Variants in PLSCR5 observed in about 807,000 individuals in gnomAD.
The protein encoded by PLSCR5 is phospholipid scramblase family, member 5.
PLSCR5 carries 44 observed loss-of-function variants against 33.6 expected under a neutral mutation model. The observed-to-expected ratio is 1.31, with a 90% CI of 1.03 to 1.69. PLSCR5 has a LOEUF of 1.69. Among genes scored for constraint, PLSCR5 ranks in the 40% most tolerant of loss-of-function variants. The pLI is 0.00. For missense variants in PLSCR5, 375 were observed against 318.7 expected (o/e 1.18, Z -1.34); for synonymous variants, 148 against 112.3 (o/e 1.32, Z -2.01).
chr3:146,590,997 G>GTTTTTT (rs371124404), intron 5 of PLSCR5, among the ~76,000 whole-genome samples: 1 of 141,886 alleles, frequency 7.0e-6, no homozygotes, highest in Non-Finnish European at 1.5e-5. Context: ...GTTTTTTTTT[G>GTTTTTT]TTTTTTTTTT....
At chr3:146,585,638 A>G (rs1437726091), downstream of PLSCR5, among the ~76,000 whole-genome samples, 1 of 144,546 alleles carries the variant, frequency 6.9e-6, no homozygotes, top group Non-Finnish European at 1.5e-5. Context: ...AACTAGCCTT[A>G]GTACCAGAAA....
At position 146,602,338 on chromosome 3, in the gene PLSCR5, T is replaced by C. The variant is rs181870586; in HGVS notation, c.14-1875A>G. On this transcript the variant is annotated intron_variant, in intron 1 of 7. Coordinates refer to ENST00000443512, the MANE Select transcript of PLSCR5 (RefSeq NM_001085420.2). ...AAAAATATTAAAAGGCAATAAACAT[T>C]ATTTCTTTAGCGTTAGTGCAAAATG... Among the ~76,000 whole-genome samples, 5 of 152,262 alleles carry C rather than the reference T, an allele frequency of 3.3e-5. No homozygotes were observed. The East Asian group carries it at 9.6e-4, about 29-fold the overall frequency.
At position 146,589,798 on chromosome 3, in the gene PLSCR5, T is replaced by C; in HGVS notation, c.632A>G (p.Glu211Gly). The C allele has an allele frequency of 1.3e-6, 2 of 1,546,126 alleles. No homozygotes were observed. The highest frequency in any genetic ancestry group is 1.8e-5 in the Admixed American group (1 of 56,510). Residue 211 changes from glutamate (E) to glycine (G), a missense_variant, in exon 6 of 8, where the codon GAA becomes GGA. Physicochemically the swap from Glu to Gly is moderately conservative, Grantham distance 98 (BLOSUM62 -2). Coordinates refer to ENST00000443512, the MANE Select transcript of PLSCR5 (RefSeq NM_001085420.2). Reference protein sequence around the residue: ...DVDFEVKTINEKLTIGKISKY... With the variant: ...DVDFEVKTINGKLTIGKISKY... ...TGAAATCTTCCCAATTGTAAGCTTT[T>C]CATTAATGGTTTTCACCTTTAGAAA...
chr3:146,579,637 T>C (rs929044777), intron 7 of PLSCR5, among the ~76,000 whole-genome samples: 2 of 152,244 alleles, frequency 1.3e-5, no homozygotes, highest in Admixed American at 1.3e-4. Context: ...CGGAAAGATA[T>C]TGTTTTGTTC....
chr3:146,600,954 T>C (rs979837541), intron 1 of PLSCR5, among the ~76,000 whole-genome samples: 3 of 148,130 alleles, frequency 2.0e-5, no homozygotes, highest in African/African-American at 7.3e-5. Flanking sequence ...TACATGTCTA[T>C]ATATTTATAT....
At chr3:146,602,757 C>T (rs1472389401) in intron 1 of PLSCR5, among the ~76,000 whole-genome samples, 1 of 152,054 alleles carries the variant, frequency 6.6e-6, no homozygotes, top group African/African-American at 2.4e-5. Context: ...TTTGCTGTAA[C>T]AAAATGCAGT....
At chr3:146,589,935 T>A in intron 5 of PLSCR5, 121 bp from the exon 6 acceptor site, 1 of 593,978 alleles carries the variant, frequency 1.7e-6, no homozygotes, top group Non-Finnish European at 2.7e-6. Context: ...AAAATGACAA[T>A]TCCATGTTAT....
chr3:146,578,036 A>G (rs758172377), intron 7 of PLSCR5, among the ~76,000 whole-genome samples: 12 of 152,012 alleles, frequency 7.9e-5, no homozygotes, highest in Non-Finnish European at 1.8e-4. Flanking sequence ...AAAACATTCA[A>G]TGTACTTAAG....
rs893432266 is a variant in PLSCR5 at position 146,592,004 on chromosome 3, A to T, written c.454-123T>A. Reference sequence around the variant, plus strand: ...AAATTATTTTGATATTCTACAAATCATTCTAAATACCTGCTTCTAAGGATA... The same window carrying T: ...AAATTATTTTGATATTCTACAAATCTTTCTAAATACCTGCTTCTAAGGATA... On this transcript the variant is annotated intron_variant, in intron 4 of 7. Coordinates refer to ENST00000443512, the MANE Select transcript of PLSCR5 (RefSeq NM_001085420.2). 7.0e-6 allele frequency: 6 copies of T among 855,250 alleles called. No individual in the cohort carries two copies. The East Asian group carries it at 1.7e-4, about 24-fold the overall frequency. 53.0% of individuals were successfully genotyped at this position (855,250 alleles called of 1,614,324 possible). A position where few individuals can be genotyped will look rare whatever the true frequency, so the allele number is the denominator to read the frequency against.
Position 146,589,650 on chromosome 3 carries a change from T to TA in PLSCR5, c.777+2dup. On this transcript the variant is annotated splice_region_variant and intron_variant, in intron 6 of 7. Transcript: ENST00000443512. ...CACTCATGCTCTCAAAGCCCATACT[T>TA]ACAAAGAGAAAACAGGCACCGATCA... The TA allele has an allele frequency of 6.4e-7, 1 of 1,573,460 alleles. No individual in the cohort carries two copies. Among genetic ancestry groups the TA allele is most frequent in the Non-Finnish European group, 8.7e-7 (1 of 1,152,260 alleles).
At chr3:146,603,662 T>A (rs2044838901) in intron 1 of PLSCR5, among the ~76,000 whole-genome samples, 1 of 152,168 alleles carries the variant, frequency 6.6e-6, no homozygotes, top group Non-Finnish European at 1.5e-5. Flanking sequence ...TGGCTTTGAA[T>A]TTCTATCTAC....
At chr3:146,582,273 T>C (rs2044637210), downstream of PLSCR5, among the ~76,000 whole-genome samples, 1 of 152,196 alleles carries the variant, frequency 6.6e-6, no homozygotes. Context: ...ATGGCCTCAC[T>C]GCATAGATAA....
intron 4 of PLSCR5, among the ~76,000 whole-genome samples, chr3:146,592,104 A>T (rs2044720971): frequency 6.6e-6 from 1 of 152,038 alleles, no homozygotes; most frequent in Admixed American, 6.6e-5. Context: ...GTGCACTAAA[A>T]GTCTATGTCT....
chr3:146,590,797 G>A (rs1355753065), intron 5 of PLSCR5, among the ~76,000 whole-genome samples: 2 of 151,940 alleles, frequency 1.3e-5, no homozygotes, highest in Non-Finnish European at 2.9e-5. Context: ...GAAGTCCTGA[G>A]AACTAAATGC....
At chr3:146,576,830 C>T (rs910744229) in intron 7 of PLSCR5, 7 of 151,882 alleles carry the variant, frequency 4.6e-5, no homozygotes, top group Non-Finnish European at 1.0e-4. Flanking sequence ...TATAAAGGCT[C>T]AGGTTAAAAT....
At position 146,590,742 on chromosome 3, in the gene PLSCR5, C is replaced by A. The variant is rs537013967; in HGVS notation, c.616-928G>T. ...GGGATAGGGTGAAGTTGGAACAGCT[C>A]AGTTTGCAAAATTTGCATTGTATTC... is the stretch of plus-strand genomic sequence containing the variant. On this transcript the variant is annotated intron_variant, in intron 5 of 7. Transcript: ENST00000443512. Among the ~76,000 whole-genome samples the A allele has an allele frequency of 3.3e-5, 5 of 152,152 alleles. No homozygotes were observed. The South Asian group carries it at 1.0e-3, about 32-fold the overall frequency.
chr3:146,596,734 A>T (rs944954349), intron 2 of PLSCR5, among the ~76,000 whole-genome samples: 11 of 152,216 alleles, frequency 7.2e-5, no homozygotes, highest in African/African-American at 2.7e-4. Context: ...TTGAAGCTAC[A>T]TGATTTCCCT....
At chr3:146,600,131 TAA>T (rs1419973804) in intron 2 of PLSCR5, among the ~76,000 whole-genome samples, 155 bp downstream of exon 2, 6 of 152,162 alleles carry the variant, frequency 3.9e-5, no homozygotes, top group African/African-American at 7.2e-5. Context: ...TAGAAATAAA[TAA>T]AGTTAATATT....
intron 4 of PLSCR5, among the ~76,000 whole-genome samples, chr3:146,592,586 G>A (rs116719661): frequency 0.012 from 1,791 of 152,030 alleles, 35 homozygotes; most frequent in African/African-American, 0.041. Flanking sequence ...CCAAGACATC[G>A]CCATCATCTG....
Sources: allele counts gnomAD v4.1 joint callset (sites outside exome capture counted in the v4.1 genomes callset), GRCh38; gene constraint gnomAD v4.1.1; transcripts MANE v1.5; gene names NCBI Gene and HGNC (gene_info 2026-07-23, HGNC 2026-07-21).